The following DORIP1 variants were observed in gnomAD, a reference collection of about 807,000 sequenced individuals.
DORIP1 encodes dopamine receptor interacting protein 1.
the DORIP1 span, chr14:44,900,397 C>G: frequency 1.4e-6 from 2 of 1,401,534 alleles, no homozygotes; most frequent in Non-Finnish European, 1.9e-6. Flanking sequence ...TACAAAGTTA[C>G]AATTTTATGT....
chr14:44,900,822 T>C, the DORIP1 span: 1 of 1,614,066 alleles, frequency 6.2e-7, no homozygotes, highest in Admixed American at 1.7e-5. Context: ...CATTAATAAT[T>C]GATTTGTTTG....
At chr14:44,905,179 T>C in the DORIP1 span, 1 of 408,018 alleles carries the variant, frequency 2.5e-6, no homozygotes, top group African/African-American at 2.1e-5. Context: ...TCTGTTAAAA[T>C]ATGTTTTTAA....
At chr14:44,906,268 G>A in the DORIP1 span, 2 of 151,768 alleles carry the variant, frequency 1.3e-5, no homozygotes, top group Non-Finnish European at 2.9e-5. Flanking sequence ...TATCTTAAAT[G>A]TTTATCTTAT....
the DORIP1 span, chr14:44,904,374 C>T: frequency 1.2e-6 from 2 of 1,604,448 alleles, no homozygotes; most frequent in Non-Finnish European, 1.7e-6. Context: ...TAATAATGTT[C>T]ATGCCTGTTT....
the DORIP1 span, among the ~76,000 whole-genome samples, chr14:44,900,005 ATTT>A: frequency 4.6e-5 from 7 of 151,554 alleles, no homozygotes; most frequent in South Asian, 1.5e-3. Context: ...CTAATTTTGT[ATTT>A]TTAATAGAGA....
chr14:44,903,311 G>A, the DORIP1 span: 1 of 1,598,604 alleles, frequency 6.3e-7, no homozygotes, highest in African/African-American at 1.3e-5. Context: ...GTATACAATA[G>A]ACATTTAAAA....
chr14:44,904,807 A>G, the DORIP1 span: 1 of 268,684 alleles, frequency 3.7e-6, no homozygotes, highest in Non-Finnish European at 6.9e-6. Context: ...TAACCAGTTT[A>G]CATGTCAGTT....
the DORIP1 span, chr14:44,905,558 T>C: frequency 4.1e-6 from 6 of 1,479,896 alleles, no homozygotes; most frequent in Admixed American, 3.7e-5. Context: ...TAAATATAGA[T>C]TGATGCTAAA....
chr14:44,905,402 A>G, the DORIP1 span: 1 of 1,546,476 alleles, frequency 6.5e-7, no homozygotes, highest in Non-Finnish European at 8.8e-7. Flanking sequence ...TTTAACAAAG[A>G]GGAACATCAT....
At chr14:44,901,056 A>G in the DORIP1 span, 2 of 1,172,454 alleles carry the variant, frequency 1.7e-6, no homozygotes, top group Non-Finnish European at 2.4e-6. Flanking sequence ...ATTTGGGTCA[A>G]CAAAGGACCA....
chr14:44,903,068 G>C, the DORIP1 span: 5 of 564,230 alleles, frequency 8.9e-6, no homozygotes, highest in Non-Finnish European at 9.5e-6. Flanking sequence ...CTATCTGCAA[G>C]AAATTCTGAA....
the DORIP1 span, chr14:44,904,601 C>A: frequency 7.2e-7 from 1 of 1,382,644 alleles, no homozygotes; most frequent in Non-Finnish European, 9.7e-7. Flanking sequence ...ATGATTTTGA[C>A]TAGCCCTTAA....
At chr14:44,900,712 C>CT in the DORIP1 span, 1 of 1,613,996 alleles carries the variant, frequency 6.2e-7, no homozygotes. Context: ...AGACTGTTTT[C>CT]TTTACTTAAT....
the DORIP1 span, among the ~76,000 whole-genome samples, chr14:44,903,045 A>C: frequency 6.6e-6 from 1 of 152,218 alleles, no homozygotes; most frequent in Admixed American, 6.5e-5. Context: ...TTTGAGTTCA[A>C]CTGGTTTCTA....
At chr14:44,905,500 G>A in the DORIP1 span, 3 of 1,551,548 alleles carry the variant, frequency 1.9e-6, no homozygotes, top group Non-Finnish European at 2.6e-6. Context: ...TAAACCCCCA[G>A]AGTTTCTCCT....
At chr14:44,904,111 G>T in the DORIP1 span, 72 of 985,190 alleles carry the variant, frequency 7.3e-5, no homozygotes, top group Non-Finnish European at 8.7e-5. Context: ...AAAAGCGTTT[G>T]TATCAGTTCT....
chr14:44,897,518 C>T, the DORIP1 span: 1 of 201,688 alleles, frequency 5.0e-6, no homozygotes, highest in Non-Finnish European at 9.8e-6. Context: ...CATGAGCAGG[C>T]GGCGGCGGCG....
the DORIP1 span, chr14:44,904,999 C>G: frequency 5.7e-6 from 1 of 175,624 alleles, no homozygotes; most frequent in South Asian, 1.8e-4. Flanking sequence ...CAGAGAAGTT[C>G]GTAGTAGTAT....
chr14:44,904,444 C>T, the DORIP1 span: 2 of 1,611,174 alleles, frequency 1.2e-6, no homozygotes, highest in Non-Finnish European at 1.7e-6. Context: ...CCATGGGGCA[C>T]CCCCTTTTGT....
Sources: gnomAD v4.1 joint callset for allele counts (sites outside exome capture counted in the v4.1 genomes callset) on GRCh38, gnomAD v4.1.1 for gene constraint, MANE v1.5 for transcripts, NCBI Gene and HGNC (gene_info 2026-07-23, HGNC 2026-07-21) for gene names.